Variants in UNC79 observed in about 807,000 individuals in gnomAD.
UNC79 encodes the protein protein unc-79 homolog.
Under a neutral mutation model 283.1 loss-of-function variants are expected in UNC79, and 37 were observed. The observed-to-expected ratio is 0.13, with a 90% CI of 0.10 to 0.17. UNC79 has a LOEUF of 0.17. UNC79 is among the 10% of genes least tolerant of loss of function. UNC79 has a pLI of 1.00. For missense variants in UNC79, 2,272 were observed against 3,211.1 expected (o/e 0.71, Z 7.07); for synonymous variants, 1,107 against 1,200.2 (o/e 0.92, Z 1.61).
At chr14:93,661,385 C>A (rs1596282747) in intron 39 of UNC79, among the ~76,000 whole-genome samples, 1 of 152,142 alleles carries the variant, frequency 6.6e-6, no homozygotes, top group East Asian at 1.9e-4. Flanking sequence ...TTTACTTCTT[C>A]CTCATGTGTC....
chr14:93,338,385 C>T (rs546313624), intron 1 of UNC79, among the ~76,000 whole-genome samples: 220 of 152,220 alleles, frequency 1.4e-3, no homozygotes, highest in Non-Finnish European at 1.4e-3. Context: ...ACCAGTAAGG[C>T]CTGCAGAACT....
chr14:93,374,646 C>G (rs1386166815), intron 1 of UNC79, among the ~76,000 whole-genome samples: 1 of 152,142 alleles, frequency 6.6e-6, no homozygotes, highest in Non-Finnish European at 1.5e-5. Context: ...TCAAGCGATC[C>G]TCCCACCTCA....
intron 1 of UNC79, among the ~76,000 whole-genome samples, chr14:93,372,844 C>T (rs2139969696): frequency 6.6e-6 from 1 of 152,300 alleles, no homozygotes; most frequent in South Asian, 2.1e-4. Flanking sequence ...ACTACCTTAT[C>T]CAACAACAGC....
intron 11 of UNC79, among the ~76,000 whole-genome samples, chr14:93,537,214 C>T (rs557173421): frequency 1.2e-4 from 19 of 152,222 alleles, no homozygotes; most frequent in Admixed American, 2.6e-4. Context: ...TGGGTGCTGC[C>T]TCACTCCTCT....
chr14:93,457,254 C>G (rs574417271), intron 1 of UNC79, among the ~76,000 whole-genome samples: 1 of 152,288 alleles, frequency 6.6e-6, no homozygotes, highest in South Asian at 2.1e-4. Flanking sequence ...GAGACTTTTT[C>G]TGATCTGAAG....
chr14:93,431,243 C>T (rs952739462), intron 1 of UNC79, among the ~76,000 whole-genome samples, 192 bp downstream of exon 1: 1 of 151,244 alleles, frequency 6.6e-6, no homozygotes, highest in Non-Finnish European at 1.5e-5. Flanking sequence ...GCGCTGTCCC[C>T]GGTGCTGAAA....
At chr14:93,339,315 T>G (rs1334226355) in intron 1 of UNC79, among the ~76,000 whole-genome samples, 1 of 152,138 alleles carries the variant, frequency 6.6e-6, no homozygotes, top group Non-Finnish European at 1.5e-5. Context: ...TTTCTTTTTT[T>G]TTGAGACAGA....
intron 1 of UNC79, among the ~76,000 whole-genome samples, chr14:93,433,845 A>G (rs2055975281): frequency 6.6e-6 from 1 of 152,228 alleles, no homozygotes; most frequent in East Asian, 1.9e-4. Flanking sequence ...AATGTAATGT[A>G]TCACAGAGAT....
At chr14:93,548,507 T>C (rs2061715988) in intron 14 of UNC79, among the ~76,000 whole-genome samples, 1 of 152,208 alleles carries the variant, frequency 6.6e-6, no homozygotes, top group Admixed American at 6.5e-5. Flanking sequence ...TAAGATAATC[T>C]AAAAAATGTT....
At chr14:93,357,709 A>G (rs1365978749) in intron 1 of UNC79, among the ~76,000 whole-genome samples, 2,157 of 120,792 alleles carry the variant, frequency 0.018, 167 homozygotes, top group African/African-American at 0.076. Context: ...ATATATATAT[A>G]TATATATATA....
At chr14:93,583,278 A>C (rs906394684) in intron 20 of UNC79, among the ~76,000 whole-genome samples, 1 of 151,218 alleles carries the variant, frequency 6.6e-6, no homozygotes, top group African/African-American at 2.4e-5. Context: ...AGATCGCACC[A>C]TTGCACTCCA....
At chr14:93,479,188 C>CTTCCTTCCTTCG (rs2057974522) in intron 4 of UNC79, among the ~76,000 whole-genome samples, 2 of 131,888 alleles carry the variant, frequency 1.5e-5, no homozygotes, top group South Asian at 5.0e-4. Context: ...TCCTTCCTTC[C>CTTCCTTCCTTCG]TTCCTTCCTT....
At chr14:93,503,442 G>A (rs1436074883) in intron 7 of UNC79, among the ~76,000 whole-genome samples, 2 of 152,056 alleles carry the variant, frequency 1.3e-5, no homozygotes, top group African/African-American at 4.8e-5. Flanking sequence ...ATTGGAGGAT[G>A]TACATATATC....
intron 30 of UNC79, among the ~76,000 whole-genome samples, chr14:93,628,896 G>A (rs2067789340): frequency 6.6e-6 from 1 of 152,158 alleles, no homozygotes; most frequent in Non-Finnish European, 1.5e-5. Flanking sequence ...GATACAGCAA[G>A]GATTTTAATG....
chr14:93,433,939 C>A (rs970662090), intron 1 of UNC79, among the ~76,000 whole-genome samples: 25 of 152,156 alleles, frequency 1.6e-4, no homozygotes, highest in Non-Finnish European at 5.9e-5. Context: ...AGTGGCCGGG[C>A]GCAGTGGCTC....
intron 26 of UNC79, among the ~76,000 whole-genome samples, chr14:93,604,206 A>G (rs1432946579): frequency 6.6e-6 from 1 of 152,204 alleles, no homozygotes; most frequent in African/African-American, 2.4e-5. Context: ...TAAATGATTT[A>G]ATCTTCAAAT....
intron 14 of UNC79, among the ~76,000 whole-genome samples, chr14:93,549,953 T>C (rs2061786679): frequency 6.6e-6 from 1 of 152,234 alleles, no homozygotes; most frequent in South Asian, 2.1e-4. Context: ...AGTGTATATG[T>C]TTTGCAACTG....
chr14:93,458,358 A>G (rs2056852249), intron 1 of UNC79, among the ~76,000 whole-genome samples: 1 of 152,238 alleles, frequency 6.6e-6, no homozygotes, highest in Non-Finnish European at 1.5e-5. Flanking sequence ...TATACATATT[A>G]AATGATTTGC....
intron 2 of UNC79, 119 bp from the exon 3 acceptor site, chr14:93,473,970 A>G (rs888089713): frequency 4.7e-6 from 6 of 1,266,946 alleles, no homozygotes; most frequent in African/African-American, 3.0e-5. Context: ...TGGCGTGGCA[A>G]TTGCATCTTA....
Sources: allele counts gnomAD v4.1 joint callset (sites outside exome capture counted in the v4.1 genomes callset), GRCh38; gene constraint gnomAD v4.1.1; transcripts MANE v1.5; gene names NCBI Gene and HGNC (gene_info 2026-07-23, HGNC 2026-07-21).